The following STIL variants were observed in gnomAD, a reference collection of about 807,000 sequenced individuals.
STIL encodes STIL centriolar assembly protein.
STIL carries 55 observed loss-of-function variants against 110.1 expected under a neutral mutation model. That is an observed-to-expected ratio of 0.50 (90% CI 0.40 to 0.63). STIL has a LOEUF of 0.63. Among genes scored for constraint, STIL ranks in the 20% least tolerant of loss-of-function variants. The pLI, the probability that STIL is intolerant of heterozygous loss-of-function variation, is 0.00. For synonymous variants in STIL, 481 were observed against 530.0 expected, an observed-to-expected ratio of 0.91 and a Z score of 1.27; for missense variants, 1,358 against 1,530.0, an observed-to-expected ratio of 0.89 and a Z score of 1.87.
At chr1:47,301,933 A>G (rs1252220076) in intron 4 of STIL, among the ~76,000 whole-genome samples, 185 bp from the exon 5 acceptor site, 1 of 152,228 alleles carries the variant, frequency 6.6e-6, no homozygotes. Flanking sequence ...TTACTTGCTT[A>G]TATATATTGA....
chr1:47,268,893 G>A (rs200698334), intron 14 of STIL, among the ~76,000 whole-genome samples: 1 of 151,830 alleles, frequency 6.6e-6, no homozygotes, highest in Non-Finnish European at 1.5e-5. Flanking sequence ...GGAGATCGAG[G>A]CCATCCTGGC....
chr1:47,272,562 C>G (rs1319186257), intron 12 of STIL, among the ~76,000 whole-genome samples: 2 of 151,944 alleles, frequency 1.3e-5, no homozygotes, highest in Non-Finnish European at 2.9e-5. Flanking sequence ...GATCCTCCCA[C>G]CTCAGCCTCC....
At chr1:47,257,004 G>C (rs1336540694) in intron 16 of STIL, among the ~76,000 whole-genome samples, 3 of 151,876 alleles carry the variant, frequency 2.0e-5, no homozygotes, top group Non-Finnish European at 4.4e-5. Context: ...AATACACTCT[G>C]AGAGGTCCAG....
At chr1:47,265,237 C>CAGAAAAAAAAAAAA (rs1644603881) in intron 14 of STIL, among the ~76,000 whole-genome samples, 1 of 51,656 alleles carries the variant, frequency 1.9e-5, no homozygotes, top group East Asian at 4.6e-4. Context: ...CTCCATCTCC[C>CAGAAAAAAAAAAAA]AAAAAAAAAA....
chr1:47,256,753 G>C (rs1215628938), intron 16 of STIL, among the ~76,000 whole-genome samples: 1 of 152,024 alleles, frequency 6.6e-6, no homozygotes, highest in Non-Finnish European at 1.5e-5. Context: ...CCAGCACTTT[G>C]GGAGGCCGAG....
intron 7 of STIL, among the ~76,000 whole-genome samples, chr1:47,295,247 G>A (rs892371405): frequency 6.6e-6 from 1 of 151,970 alleles, no homozygotes; most frequent in Non-Finnish European, 1.5e-5. Context: ...ATAGAATTAA[G>A]CTTTTATCTG....
chr1:47,299,782 G>T, intron 6 of STIL, 123 bp downstream of exon 6: 2 of 1,048,240 alleles, frequency 1.9e-6, no homozygotes, highest in Admixed American at 2.5e-5. Context: ...ACTTTCCCTG[G>T]TTATTAACCA....
At chr1:47,254,529 G>GTT (rs144518020) in intron 16 of STIL, among the ~76,000 whole-genome samples, 10 of 149,144 alleles carry the variant, frequency 6.7e-5, no homozygotes, top group African/African-American at 2.2e-4. Context: ...TCTAATTTGG[G>GTT]TTTTTTTTTT....
intron 15 of STIL, among the ~76,000 whole-genome samples, chr1:47,261,594 G>T (rs1456595188): frequency 6.6e-6 from 1 of 151,826 alleles, no homozygotes; most frequent in Non-Finnish European, 1.5e-5. Flanking sequence ...ACAAAAATTA[G>T]CCGGGTGTGG....
At chr1:47,255,371 T>C (rs1644299069) in intron 16 of STIL, among the ~76,000 whole-genome samples, 1 of 151,652 alleles carries the variant, frequency 6.6e-6, no homozygotes, top group Non-Finnish European at 1.5e-5. Flanking sequence ...CAGATGACAA[T>C]CAAGACCCCC....
chr1:47,300,630 G>A (rs1336962746), intron 5 of STIL, among the ~76,000 whole-genome samples: 1 of 152,104 alleles, frequency 6.6e-6, no homozygotes, highest in Non-Finnish European at 1.5e-5. Context: ...ACCACACCCA[G>A]CTAATTTTTT....
chr1:47,270,277 C>G (rs1052664709), intron 13 of STIL, among the ~76,000 whole-genome samples: 17 of 150,596 alleles, frequency 1.1e-4, no homozygotes, highest in Non-Finnish European at 1.9e-4. Context: ...CACACACACA[C>G]ACACACACAC....
chr1:47,251,165 G>T lies in STIL; in HGVS notation c.3838C>A (p.Arg1280Ser). Residue 1280 changes from arginine (R) to serine (S), a missense_variant, in exon 17 of 17, where the codon CGT (arginine) becomes AGT (serine). Arg to Ser is a moderately radical substitution (Grantham distance 110). Transcript: ENST00000371877. ...NSVGTFLDVKRLRQLPKLF is the reference protein window; with the variant it reads ...NSVGTFLDVKSLRQLPKLF ...AATAATTTTGGTAACTGTCTGAGAC[G>T]TTTTACATCTAAGAAGGTGCCTACT... is the stretch of plus-strand genomic sequence containing the variant. The T allele has an allele frequency of 6.2e-7, 1 of 1,613,746 alleles. No homozygotes were observed. The highest frequency in any genetic ancestry group is 8.5e-7 in the Non-Finnish European group (1 of 1,179,920).
intron 3 of STIL, among the ~76,000 whole-genome samples, chr1:47,302,547 T>C (rs764787027): frequency 1.3e-5 from 2 of 152,196 alleles, no homozygotes; most frequent in Admixed American, 6.5e-5. Context: ...ACTGAAACTA[T>C]AGTTGTTCTC....
chr1:47,252,298 C>T (rs1223901077), intron 16 of STIL, among the ~76,000 whole-genome samples: 3 of 152,190 alleles, frequency 2.0e-5, no homozygotes, highest in Non-Finnish European at 2.9e-5. Context: ...AGGAGGATTG[C>T]TTGAGCTCAA....
chr1:47,305,707 T>G (rs1175863018), intron 2 of STIL, among the ~76,000 whole-genome samples: 1 of 142,368 alleles, frequency 7.0e-6, no homozygotes, highest in East Asian at 2.1e-4. Context: ...ATTACAGGCG[T>G]GAGCCACCAC....
chr1:47,252,778 TAC>T (rs3043070), intron 16 of STIL, among the ~76,000 whole-genome samples: 43,111 of 139,782 alleles, frequency 0.31, 6,635 homozygotes, highest in East Asian at 0.42. Context: ...TATGGGCTTA[TAC>T]ACACACACAC....
rs1368843095 is a variant in STIL at position 47,251,661 on chromosome 1, G to C, written c.3342C>G (p.Asn1114Lys). 1 of 1,614,184 alleles carries C rather than the reference G, an allele frequency of 6.2e-7. No individual in the cohort carries two copies. The highest frequency in any genetic ancestry group is 2.2e-5 in the East Asian group (1 of 44,888). Residue 1114 changes from asparagine to lysine, a missense_variant, in exon 17 of 17, where the codon AAC becomes AAG. By Grantham distance (94) the Asn-to-Lys change is moderately conservative. Coordinates refer to ENST00000371877, the MANE Select transcript of STIL (RefSeq NM_001048166.1). The stretch of plus-strand genomic sequence containing the variant: ...ATTTTTTGGTTGCAAATGACATGTT[G>C]TTTGGTGAAATTAAACTAAGCCCCA... ...STVGLSLISP[N>K]NMSFATKKYM...
intron 3 of STIL, 48 bp downstream of exon 3, chr1:47,304,841 T>A: frequency 7.4e-7 from 1 of 1,342,296 alleles, no homozygotes; most frequent in Non-Finnish European, 1.1e-6. Flanking sequence ...ATCTTTGTAT[T>A]ACTCTTGTTT....
Sources: gnomAD v4.1 joint callset for allele counts (sites outside exome capture counted in the v4.1 genomes callset) on GRCh38, gnomAD v4.1.1 for gene constraint, MANE v1.5 for transcripts, NCBI Gene and HGNC (gene_info 2026-07-23, HGNC 2026-07-21) for gene names.